B3GAT2: variants seen among roughly 807,000 people sequenced by gnomAD.
B3GAT2 encodes the protein galactosylgalactosylxylosylprotein 3-beta-glucuronosyltransferase 2.
B3GAT2 carries 26 observed loss-of-function variants against 27.8 expected under a neutral mutation model. The ratio of observed to expected loss-of-function variants is 0.93; its 90% confidence interval spans 0.68 to 1.30. B3GAT2 has a LOEUF of 1.30. Ranked by LOEUF, B3GAT2 falls within the 50% of genes most tolerant of loss-of-function variation. The pLI is 0.00. For synonymous variants in B3GAT2, 218 were observed against 195.1 expected, an observed-to-expected ratio of 1.12 and a Z score of -0.98; for missense variants, 458 against 459.0, an observed-to-expected ratio of 1.00 and a Z score of 0.02.
intron 2 of B3GAT2, among the ~76,000 whole-genome samples, chr6:70,863,057 G>GT (rs1426079562): frequency 6.6e-6 from 1 of 152,192 alleles, no homozygotes; most frequent in Non-Finnish European, 1.5e-5. Flanking sequence ...CTCTACAATT[G>GT]TTTTTGCCAT....
intron 1 of B3GAT2, among the ~76,000 whole-genome samples, chr6:70,922,974 T>C (rs1048622085): frequency 9.9e-5 from 15 of 152,172 alleles, no homozygotes; most frequent in Non-Finnish European, 1.8e-4. Flanking sequence ...TTTCCACACA[T>C]ATAAATGGGT....
chr6:70,870,155 C>T (rs1047165249), intron 2 of B3GAT2, among the ~76,000 whole-genome samples: 28 of 151,420 alleles, frequency 1.8e-4, no homozygotes, highest in African/African-American at 5.6e-4. Context: ...TATCCAACAA[C>T]GATAGACTGG....
chr6:70,864,017 A>G (rs553098427), intron 2 of B3GAT2, among the ~76,000 whole-genome samples: 4 of 152,016 alleles, frequency 2.6e-5, no homozygotes, highest in Non-Finnish European at 5.9e-5. Context: ...TTAGTGTTAA[A>G]AGATTTCTTG....
chr6:70,876,910 A>G (rs1354012272), intron 2 of B3GAT2, among the ~76,000 whole-genome samples: 2 of 152,200 alleles, frequency 1.3e-5, no homozygotes, highest in Non-Finnish European at 2.9e-5. Flanking sequence ...TCTGACTAGA[A>G]TGAGTAAGGG....
chr6:70,902,629 T>TACACACAC (rs1156521355), intron 1 of B3GAT2, among the ~76,000 whole-genome samples: 21 of 141,994 alleles, frequency 1.5e-4, no homozygotes, highest in African/African-American at 5.9e-4. Context: ...TATATATATA[T>TACACACAC]ATATATATAC....
intron 1 of B3GAT2, among the ~76,000 whole-genome samples, chr6:70,905,537 C>T (rs929985480): frequency 2.0e-5 from 3 of 152,168 alleles, no homozygotes; most frequent in Admixed American, 1.3e-4. Context: ...TACGTTTTTG[C>T]CCCTTTTAAA....
chr6:70,908,204 G>A (rs1205906240), intron 1 of B3GAT2, among the ~76,000 whole-genome samples: 1 of 152,218 alleles, frequency 6.6e-6, no homozygotes, highest in Non-Finnish European at 1.5e-5. Context: ...CTAAATGGAA[G>A]AGAGTCAGGG....
Position 70,861,572 on chromosome 6 carries a change from C to T in B3GAT2, c.*91G>A. 1 of 1,197,062 alleles carries T rather than the reference C, an allele frequency of 8.4e-7. No homozygotes were observed. Among genetic ancestry groups the T allele is most frequent in the South Asian group, 1.4e-5 (1 of 71,582 alleles). The allele number at this position is 1,197,062 out of a possible 1,614,324, so 74.2% of individuals were successfully genotyped here. ...GGCTGCTGTACTGAAGTAAAACAAA[C>T]AATACCTGAATGCTCTGTAGCCTAA... On this transcript the variant is annotated 3_prime_UTR_variant, in exon 4 of 4. Coordinates refer to ENST00000230053, the MANE Select transcript of B3GAT2 (RefSeq NM_080742.3).
intron 1 of B3GAT2, among the ~76,000 whole-genome samples, chr6:70,901,272 G>A (rs555623512): frequency 2.6e-4 from 40 of 152,212 alleles, no homozygotes; most frequent in South Asian, 4.1e-4. Context: ...GTCATAAATC[G>A]TGTTGATAGT....
intron 1 of B3GAT2, among the ~76,000 whole-genome samples, chr6:70,930,425 A>AT (rs1270975851): frequency 2.6e-5 from 4 of 152,250 alleles, no homozygotes; most frequent in Non-Finnish European, 4.4e-5. Flanking sequence ...ATGGGAGAAT[A>AT]TTTTTGCAAT....
chr6:70,949,582 A>C (rs1322849651), intron 1 of B3GAT2, among the ~76,000 whole-genome samples: 2 of 146,582 alleles, frequency 1.4e-5, no homozygotes, highest in East Asian at 2.0e-4. Flanking sequence ...GTGGAGAAAT[A>C]GGAACACTTT....
Position 70,857,765 on chromosome 6 carries a change from G to GT in B3GAT2, c.*3897dup. Reference sequence around the variant, plus strand: ...ATCCTAGAAACAACCAGCTCTCAGGGTTTAGGTGTGGGTTGGTCTGAGTAG... The same window carrying GT: ...ATCCTAGAAACAACCAGCTCTCAGGGTTTTAGGTGTGGGTTGGTCTGAGTAG... On this transcript the variant is annotated 3_prime_UTR_variant, in exon 4 of 4. Coordinates refer to ENST00000230053, the MANE Select transcript of B3GAT2 (RefSeq NM_080742.3). 1.5e-6 allele frequency: 1 copy of GT among 661,036 alleles called. No homozygotes were observed. Among genetic ancestry groups the GT allele is most frequent in the Non-Finnish European group, 2.6e-6 (1 of 391,714 alleles). The allele number at this position is 661,036 out of a possible 1,614,324, so 40.9% of individuals were successfully genotyped here. A position where few individuals can be genotyped will look rare whatever the true frequency, so the allele number is the denominator to read the frequency against.
intron 1 of B3GAT2, among the ~76,000 whole-genome samples, chr6:70,934,672 C>A (rs2150046971): frequency 6.6e-6 from 1 of 152,194 alleles, no homozygotes; most frequent in South Asian, 2.1e-4. Flanking sequence ...TGGCTTAAAG[C>A]TTGAGAGTTC....
chr6:70,938,434 C>T (rs1465223799), intron 1 of B3GAT2, among the ~76,000 whole-genome samples: 1 of 151,898 alleles, frequency 6.6e-6, no homozygotes, highest in African/African-American at 2.4e-5. Context: ...ATAAAAGAGC[C>T]CACATCGTCA....
At chr6:70,862,027 T>G (rs1440414966) in intron 2 of B3GAT2, 49 bp from the exon 3 acceptor site, 1 of 1,498,680 alleles carries the variant, frequency 6.7e-7, no homozygotes, top group Non-Finnish European at 8.9e-7. Flanking sequence ...CCTGGTGTAC[T>G]TCTCTTTTTT....
intron 1 of B3GAT2, among the ~76,000 whole-genome samples, chr6:70,932,303 C>T (rs1040549000): frequency 2.0e-5 from 3 of 152,050 alleles, no homozygotes; most frequent in African/African-American, 7.2e-5. Context: ...TGTGTATATA[C>T]CCAAAAGAAC....
Position 70,861,606 on chromosome 6 carries a change from C to T in B3GAT2, c.*57G>A. 1 of 1,507,792 alleles carries T rather than the reference C, an allele frequency of 6.6e-7. No homozygotes were observed. Among genetic ancestry groups the T allele is most frequent in the Non-Finnish European group, 9.2e-7 (1 of 1,091,324 alleles). The allele number at this position is 1,507,792 out of a possible 1,614,324, so 93.4% of individuals were successfully genotyped here. ...AATGCTCTGTAGCCTAAACTCCAAA[C>T]ATCCTCTTCCATATGGATCCACTGG... On this transcript the variant is annotated 3_prime_UTR_variant, in exon 4 of 4. Transcript: ENST00000230053.
At chr6:70,902,633 T>TACACACACAC (rs200605766) in intron 1 of B3GAT2, among the ~76,000 whole-genome samples, 25 of 144,198 alleles carry the variant, frequency 1.7e-4, no homozygotes, top group African/African-American at 6.4e-4. Context: ...TATATATATA[T>TACACACACAC]ATATACACAC....
At chr6:70,913,242 G>C (rs929805000) in intron 1 of B3GAT2, among the ~76,000 whole-genome samples, 1 of 152,030 alleles carries the variant, frequency 6.6e-6, no homozygotes, top group African/African-American at 2.4e-5. Flanking sequence ...AGTTCCTCTA[G>C]GTGCAATGTT....
Sources: gnomAD v4.1 joint callset for allele counts (sites outside exome capture counted in the v4.1 genomes callset) on GRCh38, gnomAD v4.1.1 for gene constraint, MANE v1.5 for transcripts, NCBI Gene and HGNC (gene_info 2026-07-23, HGNC 2026-07-21) for gene names.